MGAT4C: variants seen among roughly 807,000 people sequenced by gnomAD.
MGAT4C encodes the protein MGAT4 family member C.
Under a neutral mutation model 40.1 loss-of-function variants are expected in MGAT4C, and 19 were observed. That is an observed-to-expected ratio of 0.47 (90% CI 0.33 to 0.70). The LOEUF is 0.70. MGAT4C is among the 30% of genes least tolerant of loss of function. The pLI is 0.02. For synonymous variants in MGAT4C, 181 were observed against 187.1 expected (o/e 0.97, Z 0.27); for missense variants, 491 against 563.2 (o/e 0.87, Z 1.30).
chr12:86,293,062 T>C (rs1158147240), intron 4 of MGAT4C, among the ~76,000 whole-genome samples: 1 of 152,182 alleles, frequency 6.6e-6, no homozygotes, highest in Non-Finnish European at 1.5e-5. Flanking sequence ...TAAACGTTAG[T>C]ACGACCCCTG....
intron 4 of MGAT4C, among the ~76,000 whole-genome samples, chr12:86,275,237 A>G (rs1028538784): frequency 2.6e-5 from 4 of 152,204 alleles, no homozygotes; most frequent in Admixed American, 2.6e-4. Context: ...AATATTAAAG[A>G]GAGTAGATAA....
intron 2 of MGAT4C, among the ~76,000 whole-genome samples, chr12:86,660,062 G>T (rs1428222011): frequency 6.6e-6 from 1 of 151,976 alleles, no homozygotes; most frequent in South Asian, 2.1e-4. Flanking sequence ...ATAACTTGTA[G>T]ATCTTAGATT....
At chr12:86,207,053 G>GA (rs1167043721) in intron 1 of MGAT4C, among the ~76,000 whole-genome samples, 1 of 149,696 alleles carries the variant, frequency 6.7e-6, no homozygotes, top group Non-Finnish European at 1.5e-5. Flanking sequence ...TACAGTTATA[G>GA]AAAAAAAGAG....
chr12:86,142,831 G>A (rs558714577), intron 1 of MGAT4C, among the ~76,000 whole-genome samples: 3 of 151,692 alleles, frequency 2.0e-5, no homozygotes, highest in African/African-American at 7.3e-5. Flanking sequence ...AAATTCATAT[G>A]TTGAAGCTCT....
intron 3 of MGAT4C, among the ~76,000 whole-genome samples, chr12:86,380,091 T>C (rs937755863): frequency 6.6e-6 from 1 of 152,114 alleles, no homozygotes; most frequent in African/African-American, 2.4e-5. Flanking sequence ...TTATTTCTTA[T>C]ATGAGTCATT....
intron 2 of MGAT4C, among the ~76,000 whole-genome samples, chr12:86,622,868 C>T (rs1364547574): frequency 9.9e-5 from 15 of 151,944 alleles, no homozygotes; most frequent in Admixed American, 9.8e-4. Flanking sequence ...GTATATTAAA[C>T]CAGCTATTAT....
At chr12:86,412,070 A>G (rs1956617097) in intron 3 of MGAT4C, among the ~76,000 whole-genome samples, 3 of 152,226 alleles carry the variant, frequency 2.0e-5, no homozygotes, top group African/African-American at 7.2e-5. Flanking sequence ...CCTAGATGTC[A>G]GAAGATGTAT....
intron 1 of MGAT4C, among the ~76,000 whole-genome samples, chr12:86,110,663 A>G (rs1479087306): frequency 6.6e-6 from 1 of 151,578 alleles, no homozygotes; most frequent in Non-Finnish European, 1.5e-5. Context: ...GTTTCTCTAA[A>G]AAGTATGTAT....
intron 2 of MGAT4C, among the ~76,000 whole-genome samples, chr12:85,993,117 G>A (rs186617116): frequency 3.5e-4 from 54 of 152,298 alleles, no homozygotes; most frequent in Non-Finnish European, 2.4e-4. Flanking sequence ...GGGGGTCTTG[G>A]CAAGTTTTCA....
At chr12:86,540,049 G>C (rs1303162689) in intron 2 of MGAT4C, among the ~76,000 whole-genome samples, 1 of 152,086 alleles carries the variant, frequency 6.6e-6, no homozygotes, top group East Asian at 1.9e-4. Context: ...GTCAATGTTG[G>C]CTTTTGTTGC....
chr12:86,579,398 C>G (rs924701963), intron 2 of MGAT4C, among the ~76,000 whole-genome samples: 1 of 151,452 alleles, frequency 6.6e-6, no homozygotes, highest in African/African-American at 2.4e-5. Flanking sequence ...GATATAAATA[C>G]TATTTGCATA....
intron 1 of MGAT4C, among the ~76,000 whole-genome samples, chr12:86,140,668 A>G (rs1406698352): frequency 6.6e-6 from 1 of 152,116 alleles, no homozygotes; most frequent in Non-Finnish European, 1.5e-5. Flanking sequence ...ATAAAATAAA[A>G]TAAAATAATA....
intron 3 of MGAT4C, among the ~76,000 whole-genome samples, chr12:86,397,179 G>A (rs1369232332): frequency 6.6e-6 from 1 of 152,042 alleles, no homozygotes; most frequent in South Asian, 2.1e-4. Context: ...AGAATTTTAT[G>A]GAGAGCAGAA....
intron 2 of MGAT4C, among the ~76,000 whole-genome samples, chr12:86,508,773 T>C (rs1164068321): frequency 6.7e-6 from 1 of 148,936 alleles, no homozygotes; most frequent in East Asian, 2.0e-4. Flanking sequence ...AGATGGTATC[T>C]CATTGTGGTT....
chr12:86,379,567 C>T (rs2136218605), intron 3 of MGAT4C, among the ~76,000 whole-genome samples: 1 of 152,102 alleles, frequency 6.6e-6, no homozygotes, highest in Non-Finnish European at 1.5e-5. Context: ...ATATCTACTG[C>T]TTAGAACGGT....
chr12:86,456,754 T>C (rs902304943), intron 2 of MGAT4C, among the ~76,000 whole-genome samples: 3 of 152,044 alleles, frequency 2.0e-5, no homozygotes, highest in Non-Finnish European at 2.9e-5. Context: ...GGTAGGAAAC[T>C]TGAGAAAATT....
chr12:86,448,958 G>A (rs1174085658), intron 2 of MGAT4C, among the ~76,000 whole-genome samples: 1 of 152,116 alleles, frequency 6.6e-6, no homozygotes, highest in Admixed American at 6.6e-5. Flanking sequence ...TTATCATTGA[G>A]GAGTACATGA....
chr12:85,980,467 C>T lies in MGAT4C; in HGVS notation c.296-37G>A, dbSNP rs1367658443. ...AATTCAGAAGCAATACAAATGTGAA[C>T]TAGAAATATGGAAAAAGTAAAAGAG... On this transcript the variant is annotated intron_variant, in intron 4 of 4. Coordinates refer to ENST00000611864, the MANE Select transcript of MGAT4C (RefSeq NM_001351288.2). 3.9e-5 allele frequency: 59 copies of T among 1,508,880 alleles called. No individual in the cohort carries two copies. The East Asian group carries it at 1.3e-3, about 33-fold the overall frequency. The allele number at this position is 1,508,880 out of a possible 1,614,324, so 93.5% of individuals were successfully genotyped here. A position where few individuals can be genotyped will look rare whatever the true frequency, so the allele number is the denominator to read the frequency against.
At chr12:86,464,498 T>C (rs1184106779) in intron 2 of MGAT4C, among the ~76,000 whole-genome samples, 1 of 152,118 alleles carries the variant, frequency 6.6e-6, no homozygotes, top group Non-Finnish European at 1.5e-5. Flanking sequence ...CCATCTATAT[T>C]CTCCACATAC....
Sources: gnomAD v4.1 joint callset for allele counts (sites outside exome capture counted in the v4.1 genomes callset) on GRCh38, gnomAD v4.1.1 for gene constraint, MANE v1.5 for transcripts, NCBI Gene and HGNC (gene_info 2026-07-23, HGNC 2026-07-21) for gene names.